Variants in MYO1D observed in about 807,000 individuals in gnomAD.
The protein encoded by MYO1D is unconventional myosin-Id.
In MYO1D, 83 loss-of-function variants were observed where a neutral mutation model predicts 122.0. The ratio of observed to expected loss-of-function variants is 0.68; its 90% CI spans 0.57 to 0.82. The LOEUF is 0.82. MYO1D is among the 40% of genes least tolerant of loss of function. The probability of loss-of-function intolerance (pLI) is 0.00; values close to 1 mark genes in which losing one functional copy is unlikely to be tolerated. For synonymous variants in MYO1D, 464 were observed against 446.9 expected (o/e 1.04, Z -0.48); for missense variants, 1,157 against 1,269.5 (o/e 0.91, Z 1.35).
At position 32,770,869 on chromosome 17, in the gene MYO1D, TTAAAA is replaced by T. The variant is rs373963800; in HGVS notation, c.714+251_714+255del. On this transcript the variant is annotated intron_variant, in intron 6 of 21. Coordinates refer to ENST00000318217, the MANE Select transcript of MYO1D (RefSeq NM_015194.3). ...AACGGAATAGGGATAGGATTAAAAA[TTAAAA>T]TAAAACATTGAATGTAGGAAAAAAC... Among the ~76,000 whole-genome samples the T allele has an allele frequency of 1.6e-3, 251 of 152,256 alleles. 1 individual carries two copies. The highest frequency in any genetic ancestry group is 5.7e-3 in the African/African-American group (239 of 41,566).
Position 32,712,156 on chromosome 17 carries a change from G to A in MYO1D, c.1953C>T (p.Asp651=). The A allele has an allele frequency of 6.2e-7, 1 of 1,613,986 alleles. No individual in the cohort carries two copies. The highest frequency in any genetic ancestry group is 8.5e-7 in the Non-Finnish European group (1 of 1,179,978). ...TGACAGCCTCTTTGTCTGAAGGAAG[G>A]TCATGGTTGGGCCAGGTGAATTCAG... ...MISEFTWPNH[D]LPSDKEAVKK... The change falls in exon 16 of 22, where the codon GAC becomes GAT. Residue 651 remains aspartate, a synonymous_variant. Coordinates refer to ENST00000318217, the MANE Select transcript of MYO1D (RefSeq NM_015194.3).
intron 21 of MYO1D, among the ~76,000 whole-genome samples, chr17:32,590,357 C>T (rs1199253886): frequency 6.6e-6 from 1 of 152,200 alleles, no homozygotes; most frequent in Non-Finnish European, 1.5e-5. Context: ...TGATCATTTG[C>T]TCTGCCAGGG....
chr17:32,684,397 A>G (rs1330855397), intron 16 of MYO1D: 1 of 152,252 alleles, frequency 6.6e-6, no homozygotes, highest in African/African-American at 2.4e-5. Flanking sequence ...TTGTGTGACT[A>G]GAATGTGTAA....
chr17:32,791,363 C>CAAA (rs60741553), intron 1 of MYO1D, among the ~76,000 whole-genome samples: 496 of 49,398 alleles, frequency 0.01, 15 homozygotes, highest in African/African-American at 0.029. Flanking sequence ...GACTCCGTCT[C>CAAA]AAAAAAAAAA....
chr17:32,867,535 G>A (rs1360457595), intron 1 of MYO1D, among the ~76,000 whole-genome samples: 5 of 151,840 alleles, frequency 3.3e-5, no homozygotes, highest in African/African-American at 7.3e-5. Context: ...AGTGACCCAC[G>A]CCTGTAATCC....
intron 21 of MYO1D, among the ~76,000 whole-genome samples, chr17:32,587,458 G>T (rs1345283528): frequency 6.7e-6 from 1 of 150,018 alleles, no homozygotes; most frequent in African/African-American, 2.5e-5. Flanking sequence ...GTTGCAGTGA[G>T]CCAAGATCGT....
chr17:32,593,176 G>T (rs2087456837), intron 21 of MYO1D, among the ~76,000 whole-genome samples: 1 of 152,206 alleles, frequency 6.6e-6, no homozygotes, highest in Non-Finnish European at 1.5e-5. Flanking sequence ...ATAGCCCAGA[G>T]AACATTCTCT....
At chr17:32,548,385 G>C (rs2086982740) in intron 21 of MYO1D, among the ~76,000 whole-genome samples, 1 of 151,160 alleles carries the variant, frequency 6.6e-6, no homozygotes. Flanking sequence ...CCAAGATCGC[G>C]CCACTGCACT....
intron 1 of MYO1D, among the ~76,000 whole-genome samples, chr17:32,832,290 CTTCT>C (rs2090778620): frequency 6.7e-6 from 1 of 148,704 alleles, no homozygotes; most frequent in African/African-American, 2.5e-5. Flanking sequence ...TTTTTTCTTT[CTTCT>C]TTTTTTTTTT....
chr17:32,734,559 C>T (rs1002084531), intron 14 of MYO1D, among the ~76,000 whole-genome samples: 1 of 152,140 alleles, frequency 6.6e-6, no homozygotes, highest in Non-Finnish European at 1.5e-5. Flanking sequence ...ACAAAGGCAA[C>T]AAATGGATCA....
intron 20 of MYO1D, among the ~76,000 whole-genome samples, chr17:32,628,140 C>T (rs1255926259): frequency 6.6e-6 from 1 of 152,230 alleles, no homozygotes; most frequent in Non-Finnish European, 1.5e-5. Flanking sequence ...GCTCACAAAA[C>T]ATTCAAATTC....
At chr17:32,777,996 T>C (rs1351027210) in intron 3 of MYO1D, among the ~76,000 whole-genome samples, 1 of 152,160 alleles carries the variant, frequency 6.6e-6, no homozygotes, top group Non-Finnish European at 1.5e-5. Flanking sequence ...ATTCTGAATG[T>C]TGTAATGATG....
intron 1 of MYO1D, among the ~76,000 whole-genome samples, chr17:32,781,675 T>C (rs182066008): frequency 3.4e-5 from 5 of 147,634 alleles, no homozygotes; most frequent in African/African-American, 1.0e-4. Flanking sequence ...AGTAGGGTTA[T>C]GTGGAAGGAG....
At chr17:32,652,344 ATAC>A (rs1038727060) in intron 19 of MYO1D, among the ~76,000 whole-genome samples, 29 of 152,274 alleles carry the variant, frequency 1.9e-4, no homozygotes, top group Middle Eastern at 3.4e-3. Context: ...TTTGATCTGA[ATAC>A]TACTGTAATT....
At chr17:32,572,411 C>A (rs1362927491) in intron 21 of MYO1D, among the ~76,000 whole-genome samples, 1 of 152,190 alleles carries the variant, frequency 6.6e-6, no homozygotes, top group Admixed American at 6.5e-5. Context: ...CAAATCCTCT[C>A]TTTCCCTTTC....
At chr17:32,572,195 G>A (rs764888420) in intron 21 of MYO1D, among the ~76,000 whole-genome samples, 4 of 140,380 alleles carry the variant, frequency 2.8e-5, no homozygotes, top group Non-Finnish European at 4.5e-5. Context: ...AGGTGCTGAT[G>A]CCAGTATCTC....
At chr17:32,673,499 T>A (rs2088754514) in intron 16 of MYO1D, among the ~76,000 whole-genome samples, 2 of 152,150 alleles carry the variant, frequency 1.3e-5, no homozygotes, top group Non-Finnish European at 2.9e-5. Flanking sequence ...GGCAATAAAA[T>A]AAAATAGGAA....
intron 16 of MYO1D, among the ~76,000 whole-genome samples, chr17:32,696,090 G>A (rs904990414): frequency 3.3e-5 from 5 of 152,146 alleles, no homozygotes; most frequent in African/African-American, 1.2e-4. Context: ...AATGGAATAT[G>A]TGCTTGCATA....
intron 21 of MYO1D, among the ~76,000 whole-genome samples, chr17:32,576,624 G>A (rs1394281312): frequency 6.6e-6 from 1 of 152,042 alleles, no homozygotes; most frequent in Non-Finnish European, 1.5e-5. Context: ...ATTTACTACT[G>A]CCTCTTTTTA....
Sources: allele counts gnomAD v4.1 joint callset (sites outside exome capture counted in the v4.1 genomes callset), GRCh38; gene constraint gnomAD v4.1.1; transcripts MANE v1.5; gene names NCBI Gene and HGNC (gene_info 2026-07-23, HGNC 2026-07-21).